Variants in STK32B observed in about 807,000 individuals in gnomAD.
STK32B encodes the protein serine/threonine kinase 32B.
Under a neutral mutation model 52.6 loss-of-function variants are expected in STK32B, and 43 were observed. The observed-to-expected ratio is 0.82, with a 90% CI of 0.64 to 1.05. The LOEUF (loss-of-function observed/expected upper bound fraction) is 1.05. Among genes scored for constraint, STK32B ranks in the 50% least tolerant of loss-of-function variants. The probability of loss-of-function intolerance (pLI) is 0.00; values close to 1 mark genes in which losing one functional copy is unlikely to be tolerated. For synonymous variants in STK32B, 238 were observed against 204.3 expected, an observed-to-expected ratio of 1.17 and a Z score of -1.41; for missense variants, 621 against 534.6, an observed-to-expected ratio of 1.16 and a Z score of -1.59.
At chr4:5,437,706 T>C (rs17367076) in intron 6 of STK32B, among the ~76,000 whole-genome samples, 4,577 of 152,292 alleles carry the variant, frequency 0.03, 80 homozygotes, top group South Asian at 0.092. Context: ...TAGTAGCATT[T>C]ATCCTGTTGG....
At chr4:5,457,047 T>G in intron 8 of STK32B, 124 bp downstream of exon 8, 1 of 636,022 alleles carries the variant, frequency 1.6e-6, no homozygotes, top group Non-Finnish European at 2.6e-6. Context: ...TCAAATCAGC[T>G]GCGCTCAAAT....
rs186246241 is a variant in STK32B, at chr4:5,223,783, T to C, written c.260+55333T>C. Among the ~76,000 whole-genome samples, 195 of 149,098 alleles carry C rather than the reference T, an allele frequency of 1.3e-3. 1 individual carries two copies. In the East Asian group the frequency reaches 0.036, roughly 27 times the overall value. ...AGTGAGCCGAGATTGTGCCACTGCA[T>C]TCCAGCCTGGGAGACAGAGCAAGAC... On this transcript the variant is annotated intron_variant, in intron 3 of 11. Coordinates refer to ENST00000282908, the MANE Select transcript of STK32B (RefSeq NM_018401.3).
chr4:5,285,422 G>A (rs971878648), intron 3 of STK32B, among the ~76,000 whole-genome samples: 3 of 152,122 alleles, frequency 2.0e-5, no homozygotes, highest in African/African-American at 7.2e-5. Context: ...AAAAACCTAT[G>A]TGTAGCCTAT....
chr4:5,317,756 A>G (rs1223651326), intron 3 of STK32B, among the ~76,000 whole-genome samples: 4 of 151,282 alleles, frequency 2.6e-5, no homozygotes, highest in Non-Finnish European at 5.9e-5. Context: ...CCTTATTTGA[A>G]GGATAAACAA....
chr4:5,070,705 C>G (rs531893193), intron 1 of STK32B, among the ~76,000 whole-genome samples: 81 of 152,250 alleles, frequency 5.3e-4, no homozygotes, highest in African/African-American at 1.9e-3. Flanking sequence ...GTAAGAGTTC[C>G]TTGGCGGTTC....
At chr4:5,316,041 A>G (rs1223271502) in intron 3 of STK32B, among the ~76,000 whole-genome samples, 1 of 146,316 alleles carries the variant, frequency 6.8e-6, no homozygotes, top group East Asian at 2.0e-4. Context: ...GACATTAATA[A>G]GGCAAAATGT....
chr4:5,166,072 C>T (rs1308383922), intron 2 of STK32B, among the ~76,000 whole-genome samples: 1 of 152,132 alleles, frequency 6.6e-6, no homozygotes, highest in Non-Finnish European at 1.5e-5. Context: ...CTTCTGCCAT[C>T]GTCCTGTATC....
chr4:5,284,745 A>G, intron 3 of STK32B, among the ~76,000 whole-genome samples: 1 of 152,204 alleles, frequency 6.6e-6, no homozygotes, highest in East Asian at 1.9e-4. Context: ...ATCATATGAT[A>G]CTAATCATCT....
At chr4:5,259,821 GTA>G (rs1352864424) in intron 3 of STK32B, among the ~76,000 whole-genome samples, 5 of 152,098 alleles carry the variant, frequency 3.3e-5, no homozygotes, top group African/African-American at 1.2e-4. Context: ...ATAATAAGGG[GTA>G]TATTTAGGAG....
At chr4:5,226,421 C>A (rs1048944369) in intron 3 of STK32B, among the ~76,000 whole-genome samples, 2 of 152,186 alleles carry the variant, frequency 1.3e-5, no homozygotes, top group African/African-American at 4.8e-5. Flanking sequence ...GGTCCAAAAA[C>A]ATTAAATGAA....
chr4:5,319,876 G>A (rs1731373121), intron 3 of STK32B, among the ~76,000 whole-genome samples: 1 of 152,282 alleles, frequency 6.6e-6, no homozygotes, highest in South Asian at 2.1e-4. Flanking sequence ...TCTGCTGCGG[G>A]TGAGAAGCTG....
chr4:5,103,577 G>A (rs1713938358), intron 1 of STK32B, among the ~76,000 whole-genome samples: 1 of 152,094 alleles, frequency 6.6e-6, no homozygotes. Flanking sequence ...TGTTGTTTGG[G>A]TTTCCTTGTG....
At chr4:5,227,803 C>G (rs1420530168) in intron 3 of STK32B, among the ~76,000 whole-genome samples, 2 of 152,086 alleles carry the variant, frequency 1.3e-5, no homozygotes, top group African/African-American at 4.8e-5. Flanking sequence ...AATTTTTTAT[C>G]CTGATTCATC....
intron 5 of STK32B, among the ~76,000 whole-genome samples, chr4:5,405,900 C>CT (rs1195818535): frequency 2.6e-5 from 4 of 152,106 alleles, no homozygotes; most frequent in African/African-American, 9.7e-5. Context: ...ATATCATGTT[C>CT]TTCTCACATT....
intron 3 of STK32B, among the ~76,000 whole-genome samples, chr4:5,256,738 A>G (rs1429566963): frequency 1.3e-5 from 2 of 152,184 alleles, no homozygotes; most frequent in African/African-American, 2.4e-5. Context: ...GCCTTTTATT[A>G]GCTGAACTTG....
At chr4:5,020,816 T>A in the STK32B span, among the ~76,000 whole-genome samples, 2 of 152,172 alleles carry the variant, frequency 1.3e-5, no homozygotes, top group Non-Finnish European at 2.9e-5. Flanking sequence ...TTGGGAACGC[T>A]ATGACCCTCA....
At chr4:5,322,659 C>T (rs571851411) in intron 3 of STK32B, among the ~76,000 whole-genome samples, 1 of 152,304 alleles carries the variant, frequency 6.6e-6, no homozygotes, top group East Asian at 1.9e-4. Flanking sequence ...TAAGAAAGGT[C>T]TAGGGTTTCC....
rs922931454 is a variant in STK32B, at chr4:5,439,181, G to C, written c.563-7492G>C. Among the ~76,000 whole-genome samples the C allele has an allele frequency of 3.3e-5, 5 of 149,276 alleles. No individual in the cohort carries two copies. The South Asian group carries it at 6.4e-4, about 19-fold the overall frequency. On this transcript the variant is annotated intron_variant, in intron 6 of 11. Transcript: ENST00000282908. Reference sequence around the variant, plus strand: ...TAGATCCCTGAGGAATCGCCACACTGACTTCCACAATGGTTGAACTAGTTT... The same window carrying C: ...TAGATCCCTGAGGAATCGCCACACTCACTTCCACAATGGTTGAACTAGTTT...
At chr4:5,480,750 AGG>A (rs1290301850) in intron 11 of STK32B, among the ~76,000 whole-genome samples, 1 of 150,730 alleles carries the variant, frequency 6.6e-6, no homozygotes, top group African/African-American at 2.4e-5. Context: ...ACCCCACAAC[AGG>A]CCCCAGTGTG....
Sources: allele counts gnomAD v4.1 joint callset (sites outside exome capture counted in the v4.1 genomes callset), GRCh38; gene constraint gnomAD v4.1.1; transcripts MANE v1.5; gene names NCBI Gene and HGNC (gene_info 2026-07-23, HGNC 2026-07-21).